The following ME1 variants were observed in gnomAD, a reference collection of about 807,000 sequenced individuals.
The protein encoded by ME1 is malic enzyme 1.
In ME1, 74 loss-of-function variants were observed where a neutral mutation model predicts 66.4. The observed-to-expected ratio is 1.11, with a 90% CI of 0.92 to 1.35. The LOEUF (loss-of-function observed/expected upper bound fraction) is 1.35, where lower values mean the gene tolerates loss of function less well. ME1 is among the 40% of genes most tolerant of loss of function. The probability of loss-of-function intolerance (pLI) is 0.00; values close to 1 mark genes in which losing one functional copy is unlikely to be tolerated. For synonymous variants in ME1, 251 were observed against 235.6 expected, an observed-to-expected ratio of 1.07 and a Z score of -0.60; for missense variants, 750 against 694.1, an observed-to-expected ratio of 1.08 and a Z score of -0.90.
chr6:83,213,688 A>G lies in ME1; in HGVS notation c.1549-1594T>C, dbSNP rs529968586. On this transcript the variant is annotated intron_variant, in intron 13 of 13. Coordinates refer to ENST00000369705, the MANE Select transcript of ME1 (RefSeq NM_002395.6). ...AGCCGAATTCACATCAGTTCTTAAA[A>G]CAATATTTATATGACTGACTTATTT... 3.9e-5 allele frequency among the ~76,000 whole-genome samples: 6 copies of G among 152,146 alleles called. No homozygotes were observed. In the East Asian group the frequency reaches 7.8e-4, roughly 20 times the overall value.
In ME1 at chr6:83,346,160, G is replaced by A. The variant is rs141951021; in HGVS notation, c.600+13C>T. The A allele has an allele frequency of 0.014, 22,841 of 1,589,672 alleles. 225 individuals carry two copies. Among genetic ancestry groups the A allele is most frequent in the South Asian group, 0.034 (3,005 of 87,444 alleles). Reference sequence around the variant, plus strand: ...AAAGGTACATAGCTGCCTTATAGACGTAAATTATTTACCTCATTTTCGGTT... The same window carrying A: ...AAAGGTACATAGCTGCCTTATAGACATAAATTATTTACCTCATTTTCGGTT... On this transcript the variant is annotated intron_variant, in intron 5 of 13. Coordinates refer to ENST00000369705, the MANE Select transcript of ME1 (RefSeq NM_002395.6).
At chr6:83,268,730 T>C (rs894788432) in intron 6 of ME1, among the ~76,000 whole-genome samples, 4 of 144,742 alleles carry the variant, frequency 2.8e-5, no homozygotes, top group Admixed American at 2.1e-4. Context: ...CATGCCCCGT[T>C]ATTATTATTA....
rs895459348 is a variant in ME1, at chr6:83,216,665, A to C, written c.1450-69T>G. 9 of 995,324 alleles carry C rather than the reference A, an allele frequency of 9.0e-6. No homozygotes were observed. In the African/African-American group the frequency reaches 1.5e-4, roughly 16 times the overall value. The allele number at this position is 995,324 out of a possible 1,614,324, so 61.7% of individuals were successfully genotyped here. A position where few individuals can be genotyped will look rare whatever the true frequency, so the allele number is the denominator to read the frequency against. ...ATACAATGTGGTGGGTACGCCAATAACTAAGTGAACGGTTACATATAATGG... is the reference window on the plus strand; with the variant it reads ...ATACAATGTGGTGGGTACGCCAATACCTAAGTGAACGGTTACATATAATGG... On this transcript the variant is annotated intron_variant, in intron 12 of 13. Transcript: ENST00000369705.
chr6:83,351,054 T>C (rs1218846385), intron 4 of ME1, among the ~76,000 whole-genome samples: 1 of 149,248 alleles, frequency 6.7e-6, no homozygotes, highest in African/African-American at 2.5e-5. Flanking sequence ...TTTCCTGGCA[T>C]GAGCCCTAGA....
At chr6:83,243,192 G>A (rs922859234) in intron 7 of ME1, among the ~76,000 whole-genome samples, 16 of 150,448 alleles carry the variant, frequency 1.1e-4, no homozygotes, top group Non-Finnish European at 2.2e-4. Flanking sequence ...CTTGAACCCA[G>A]GAGTTTGAGG....
chr6:83,300,122 G>A (rs1054270552), intron 6 of ME1, among the ~76,000 whole-genome samples: 1 of 151,922 alleles, frequency 6.6e-6, no homozygotes, highest in Non-Finnish European at 1.5e-5. Flanking sequence ...CTTCAATAAA[G>A]CTAACAAAAA....
intron 6 of ME1, among the ~76,000 whole-genome samples, chr6:83,313,861 A>G (rs1162207737): frequency 6.6e-6 from 1 of 152,202 alleles, no homozygotes; most frequent in African/African-American, 2.4e-5. Flanking sequence ...TGTAGTCCAT[A>G]CTAATTGGCA....
At chr6:83,379,648 A>T (rs1769357877) in intron 3 of ME1, among the ~76,000 whole-genome samples, 1 of 151,988 alleles carries the variant, frequency 6.6e-6, no homozygotes. Context: ...TCTTAAAATT[A>T]TTTTTTTAGT....
At chr6:83,427,245 A>C (rs1770390296) in intron 1 of ME1, among the ~76,000 whole-genome samples, 1 of 152,246 alleles carries the variant, frequency 6.6e-6, no homozygotes, top group Admixed American at 6.5e-5. Context: ...TGAATGATGC[A>C]TATTTTAATA....
At chr6:83,319,249 T>G (rs1312815584) in intron 5 of ME1, among the ~76,000 whole-genome samples, 1 of 151,390 alleles carries the variant, frequency 6.6e-6, no homozygotes, top group African/African-American at 2.4e-5. Context: ...CACATGTATA[T>G]GTATGTAACT....
rs142365257 is a variant in ME1, at chr6:83,227,410, C to G, written c.1200G>C (p.Arg400=). Residue 400 remains arginine, a synonymous_variant, in exon 11 of 14, where the codon CGG becomes CGC. Coordinates refer to ENST00000369705, the MANE Select transcript of ME1 (RefSeq NM_002395.6). ...ILKDMAAFNE[R]PIIFALSNPT... ...GATTACTCAAAGCAAAAATAATAGG[C>G]CGTTCATTGAAGGCAGCCATATCTT... 30 of 1,605,232 alleles carry G rather than the reference C, an allele frequency of 1.9e-5. No homozygotes were observed. The African/African-American group carries it at 3.9e-4, about 21-fold the overall frequency.
At chr6:83,407,970 T>C in intron 1 of ME1, 69 bp from the exon 2 acceptor site, 13 of 1,483,776 alleles carry the variant, frequency 8.8e-6, no homozygotes, top group South Asian at 5.8e-5. Context: ...AGCATACATA[T>C]AAAATCTGAC....
At chr6:83,393,196 C>A in intron 3 of ME1, 2 of 1,203,924 alleles carry the variant, frequency 1.7e-6, no homozygotes, top group South Asian at 2.4e-5. Context: ...GTGAAGCAGG[C>A]GTCAGAGGAC....
intron 3 of ME1, among the ~76,000 whole-genome samples, chr6:83,378,169 T>A (rs1356887358): frequency 6.7e-6 from 1 of 149,580 alleles, no homozygotes; most frequent in Non-Finnish European, 1.5e-5. Flanking sequence ...TTTGCAAGAC[T>A]CATTCATTAA....
chr6:83,423,045 A>C (rs1395338673), intron 1 of ME1, among the ~76,000 whole-genome samples: 8 of 152,098 alleles, frequency 5.3e-5, no homozygotes, highest in Non-Finnish European at 7.4e-5. Context: ...AAACCTCCAA[A>C]CCCAGAAACA....
At chr6:83,408,026 G>A (rs1769981647) in intron 1 of ME1, 125 bp from the exon 2 acceptor site, 3 of 1,101,390 alleles carry the variant, frequency 2.7e-6, no homozygotes, top group Non-Finnish European at 2.5e-6. Flanking sequence ...CTGGAAGCAT[G>A]GCCATGTGGC....
chr6:83,274,698 AAGCAATCGATT>A (rs1767144727), intron 6 of ME1, among the ~76,000 whole-genome samples: 1 of 152,208 alleles, frequency 6.6e-6, no homozygotes, highest in Non-Finnish European at 1.5e-5. Context: ...ACCAACAAGT[AAGCAATCGATT>A]TACATTTTGA....
intron 6 of ME1, among the ~76,000 whole-genome samples, chr6:83,286,261 T>C (rs546491035): frequency 1.3e-5 from 2 of 152,278 alleles, no homozygotes; most frequent in South Asian, 4.1e-4. Context: ...TCATAGTTGT[T>C]TTGAGAATAA....
At chr6:83,295,854 GA>G (rs970510488) in intron 6 of ME1, among the ~76,000 whole-genome samples, 33 of 152,212 alleles carry the variant, frequency 2.2e-4, no homozygotes, top group African/African-American at 7.9e-4. Context: ...TGATCCCACA[GA>G]AACACAAATA....
Sources: gnomAD v4.1 joint callset for allele counts (sites outside exome capture counted in the v4.1 genomes callset) on GRCh38, gnomAD v4.1.1 for gene constraint, MANE v1.5 for transcripts, NCBI Gene and HGNC (gene_info 2026-07-23, HGNC 2026-07-21) for gene names.